Variants in SLC5A4 observed in about 807,000 individuals in gnomAD.
SLC5A4 encodes the protein probable glucose sensor protein SLC5A4.
SLC5A4 carries 55 observed loss-of-function variants against 70.3 expected under a neutral mutation model. That is an observed-to-expected ratio of 0.78 (90% CI 0.63 to 0.98). The LOEUF is 0.98. Among genes scored for constraint, SLC5A4 ranks in the 50% least tolerant of loss-of-function variants. The pLI, the probability that SLC5A4 is intolerant of heterozygous loss-of-function variation, is 0.00. For synonymous variants in SLC5A4, 268 were observed against 305.7 expected (o/e 0.88, Z 1.29); for missense variants, 735 against 839.2 (o/e 0.88, Z 1.53).
chr22:32,350,905 GTA>G, the SLC5A4 span, among the ~76,000 whole-genome samples: 151 of 142,478 alleles, frequency 1.1e-3, no homozygotes, highest in African/African-American at 4.0e-3. Flanking sequence ...AGAGAAATCA[GTA>G]AAAAAAAAAA....
chr22:32,229,425 G>A (rs1781316587), intron 10 of SLC5A4, 81 bp from the exon 11 acceptor site: 2 of 1,443,452 alleles, frequency 1.4e-6, no homozygotes, highest in Non-Finnish European at 1.9e-6. Flanking sequence ...AAGGTTAAAA[G>A]TATCATCTGG....
chr22:32,284,240 A>C, the SLC5A4 span, among the ~76,000 whole-genome samples: 1 of 152,244 alleles, frequency 6.6e-6, no homozygotes, highest in Non-Finnish European at 1.5e-5. Flanking sequence ...ATTTAAGCAT[A>C]ATATGTGTAT....
the SLC5A4 span, among the ~76,000 whole-genome samples, chr22:32,336,976 T>TG: frequency 6.6e-6 from 1 of 152,222 alleles, no homozygotes; most frequent in African/African-American, 2.4e-5. Flanking sequence ...GAACACGGAT[T>TG]GTTCCAGAGA....
the SLC5A4 span, chr22:32,272,874 G>T: frequency 2.0e-6 from 1 of 512,262 alleles, no homozygotes; most frequent in Non-Finnish European, 3.8e-6. Flanking sequence ...GGAGGCTGCT[G>T]ATGCTGCTGA....
chr22:32,291,780 TTTC>T, the SLC5A4 span, among the ~76,000 whole-genome samples: 127 of 151,468 alleles, frequency 8.4e-4, 3 homozygotes, highest in East Asian at 0.021. Flanking sequence ...CCTATTTATA[TTTC>T]TTGTTTTCCC....
chr22:32,294,819 C>T, the SLC5A4 span, among the ~76,000 whole-genome samples: 8 of 97,852 alleles, frequency 8.2e-5, no homozygotes, highest in Non-Finnish European at 1.5e-4. Flanking sequence ...CCCCCCTCCC[C>T]CAACCCCACA....
At chr22:32,353,467 C>G in the SLC5A4 span, among the ~76,000 whole-genome samples, 1 of 152,072 alleles carries the variant, frequency 6.6e-6, no homozygotes, top group Non-Finnish European at 1.5e-5. Context: ...CGCGGAAACG[C>G]TGTGCATCCG....
the SLC5A4 span, chr22:32,270,492 C>G: frequency 2.6e-6 from 2 of 771,948 alleles, no homozygotes; most frequent in Non-Finnish European, 4.5e-6. Context: ...CCAGCACCCC[C>G]GAAGCGGACA....
the SLC5A4 span, among the ~76,000 whole-genome samples, chr22:32,316,722 G>C: frequency 1.6e-3 from 247 of 151,116 alleles, no homozygotes; most frequent in Non-Finnish European, 2.7e-3. Flanking sequence ...CTTTTTAGTA[G>C]AAATGAGATT....
the SLC5A4 span, among the ~76,000 whole-genome samples, chr22:32,288,932 T>G: frequency 6.6e-6 from 1 of 152,216 alleles, no homozygotes; most frequent in African/African-American, 2.4e-5. Flanking sequence ...TTTCTTCCTT[T>G]TTGATCCTTA....
chr22:32,261,095 A>G, the SLC5A4 span, among the ~76,000 whole-genome samples: 1 of 150,722 alleles, frequency 6.6e-6, no homozygotes, highest in South Asian at 2.1e-4. Flanking sequence ...TAGAAAAGGC[A>G]GCCTCCCCTG....
At chr22:32,306,475 A>AC in the SLC5A4 span, among the ~76,000 whole-genome samples, 26 of 150,522 alleles carry the variant, frequency 1.7e-4, no homozygotes, top group Non-Finnish European at 1.9e-4. Context: ...CAAAAAAAAA[A>AC]AACAAAAACT....
chr22:32,269,803 A>G, the SLC5A4 span: 12 of 676,746 alleles, frequency 1.8e-5, no homozygotes, highest in Non-Finnish European at 3.3e-5. The surrounding 1 kb of genome is among the most constrained non-coding windows in gnomAD (Gnocchi z 4.1). Flanking sequence ...TTCATCTCCC[A>G]TGACAAGATG....
chr22:32,248,608 TC>T, intron 4 of SLC5A4, 134 bp downstream of exon 4: 1 of 671,996 alleles, frequency 1.5e-6, no homozygotes, highest in Non-Finnish European at 2.7e-6. Flanking sequence ...GAGACTGAGC[TC>T]CCATCTCCTC....
chr22:32,327,600 G>A, the SLC5A4 span, among the ~76,000 whole-genome samples: 205 of 152,354 alleles, frequency 1.3e-3, 2 homozygotes, highest in African/African-American at 4.6e-3. Flanking sequence ...GCCCAGTGCA[G>A]AGCCTGGCAC....
the SLC5A4 span, chr22:32,285,147 A>G: frequency 1.8e-4 from 28 of 152,250 alleles, no homozygotes; most frequent in East Asian, 1.9e-3. Context: ...GTGTGTATAT[A>G]TGATATATAT....
intron 10 of SLC5A4, among the ~76,000 whole-genome samples, chr22:32,229,762 C>T (rs746377865): frequency 6.6e-6 from 1 of 152,166 alleles, no homozygotes; most frequent in African/African-American, 2.4e-5. Context: ...TCAGTAATAA[C>T]TTAATTGTAC....
At chr22:32,266,050 G>A in the SLC5A4 span, among the ~76,000 whole-genome samples, 1 of 152,210 alleles carries the variant, frequency 6.6e-6, no homozygotes, top group African/African-American at 2.4e-5. Context: ...AGAAACACTT[G>A]ATCAGGGCAT....
At chr22:32,328,992 CCTGCTTCCTCTTCCTA>C in the SLC5A4 span, among the ~76,000 whole-genome samples, 2 of 152,260 alleles carry the variant, frequency 1.3e-5, no homozygotes, top group African/African-American at 4.8e-5. Flanking sequence ...CCCTCTGCCT[CCTGCTTCCTCTTCCTA>C]CTGGTGCCAG....
Sources: gnomAD v4.1 joint callset for allele counts (sites outside exome capture counted in the v4.1 genomes callset) on GRCh38, gnomAD v4.1.1 for gene constraint, Gnocchi (gnomAD v3.1) non-coding constraint, MANE v1.5 for transcripts, NCBI Gene and HGNC (gene_info 2026-07-23, HGNC 2026-07-21) for gene names.